JMJD6: variants seen among roughly 807,000 people sequenced by gnomAD.
JMJD6 encodes bifunctional arginine demethylase and lysyl-hydroxylase JMJD6.
Under a neutral mutation model 45.8 loss-of-function variants are expected in JMJD6, and 17 were observed. That is an observed-to-expected ratio of 0.37 (90% CI 0.25 to 0.56). The LOEUF (loss-of-function observed/expected upper bound fraction) is 0.56. Among genes scored for constraint, JMJD6 ranks in the 20% least tolerant of loss-of-function variants. JMJD6 has a pLI of 0.79. For missense variants in JMJD6, 470 were observed against 517.5 expected (o/e 0.91, Z 0.89); for synonymous variants, 221 against 196.3 (o/e 1.13, Z -1.05).
downstream of JMJD6, chr17:76,716,578 A>T (rs1190466644): frequency 9.6e-6 from 10 of 1,042,894 alleles, no homozygotes; most frequent in Non-Finnish European, 1.5e-5. Context: ...GAATATCCAA[A>T]TTCAAAGAAG....
chr17:76,724,638 GA>G (rs1316425827), intron 2 of JMJD6, among the ~76,000 whole-genome samples: 2 of 151,596 alleles, frequency 1.3e-5, no homozygotes, highest in Non-Finnish European at 2.9e-5. Context: ...CCAATACGGT[GA>G]AACCCCATCT....
chr17:76,722,688 TA>T (rs2076839735), intron 3 of JMJD6, among the ~76,000 whole-genome samples: 1 of 151,276 alleles, frequency 6.6e-6, no homozygotes, highest in South Asian at 2.1e-4. Flanking sequence ...TCTACTAAAA[TA>T]CAAAAAATTA....
chr17:76,723,812 C>T lies in JMJD6; in HGVS notation c.765G>A (p.Leu255=). ...LPTWPPEFKP[L]EILQKPGETV... is the part of the protein sequence containing the mutation. The stretch of plus-strand genomic sequence containing the variant: ...TCTCTCCTGGTTTTTGTAAGATTTC[C>T]AGGGGTTTGAATTCAGGTGGCCAGG... The change falls in exon 3 of 6, where the codon CTG becomes CTA. Residue 255 remains leucine, a synonymous_variant. Coordinates refer to ENST00000397625, the MANE Select transcript of JMJD6 (RefSeq NM_015167.3). 8 of 1,614,144 alleles carry T rather than the reference C, an allele frequency of 5.0e-6. No individual in the cohort carries two copies. The highest frequency in any genetic ancestry group is 6.8e-6 in the Non-Finnish European group (8 of 1,180,026).
rs2076937106 is a variant in JMJD6 at position 76,726,421 on chromosome 17, C to A, written c.55G>T (p.Glu19Ter). The change falls in exon 1 of 6, where the codon GAG (glutamate) becomes TAG (stop). Residue 19 changes from glutamate (E) to a stop codon, truncating the protein, a stop_gained. Transcript: ENST00000397625. LOFTEE classifies it high-confidence loss of function. ...IREAKRSARP[E>*]LKDSLDWTRH... ...GTCCAATCCAGCGAGTCCTTGAGCTCCGGCCGCGCACTCCGCTTGGCCTCG... is the reference window on the plus strand; with the variant it reads ...GTCCAATCCAGCGAGTCCTTGAGCTACGGCCGCGCACTCCGCTTGGCCTCG... The A allele has an allele frequency of 6.2e-7, 1 of 1,604,708 alleles. No individual in the cohort carries two copies. Among genetic ancestry groups the A allele is most frequent in the Admixed American group, 1.7e-5 (1 of 59,440 alleles).
chr17:76,720,511 A>G lies in JMJD6; in HGVS notation c.942-13T>C. 4 of 1,613,740 alleles carry G rather than the reference A, an allele frequency of 2.5e-6. No homozygotes were observed. The highest frequency in any genetic ancestry group is 3.4e-6 in the Non-Finnish European group (4 of 1,179,822). ...TTGCTTCAAAATCCTGAGAGGCAAG[A>G]AGTGTTGTTCTCAGTGCACTGACAG... On this transcript the variant is annotated splice_polypyrimidine_tract_variant and intron_variant, in intron 4 of 5. Coordinates refer to ENST00000397625, the MANE Select transcript of JMJD6 (RefSeq NM_015167.3).
At chr17:76,719,837 C>G (rs533468421) in intron 5 of JMJD6, among the ~76,000 whole-genome samples, 1 of 152,304 alleles carries the variant, frequency 6.6e-6, no homozygotes, top group African/African-American at 2.4e-5. Context: ...TTTAACAATT[C>G]TTAGCCGGGC....
intron 3 of JMJD6, among the ~76,000 whole-genome samples, chr17:76,722,236 GAA>G (rs796118429): frequency 2.8e-4 from 42 of 152,272 alleles, no homozygotes; most frequent in African/African-American, 9.6e-4. Context: ...GCCCTTTATA[GAA>G]AAAGTTTGTT....
At chr17:76,722,828 AGAG>A (rs2076842326) in intron 3 of JMJD6, among the ~76,000 whole-genome samples, 4 of 119,738 alleles carry the variant, frequency 3.3e-5, no homozygotes, top group African/African-American at 1.3e-4. Flanking sequence ...CCTGGGTGAC[AGAG>A]CGAGACTTGG....
downstream of JMJD6, chr17:76,716,832 T>C (rs1291744874): frequency 9.7e-6 from 10 of 1,026,334 alleles, no homozygotes; most frequent in Non-Finnish European, 1.4e-5. Flanking sequence ...GTGGAAGTCA[T>C]GGCAGGGCTT....
At chr17:76,720,664 C>A (rs529390762) in intron 4 of JMJD6, 166 bp from the exon 5 acceptor site, 2 of 613,668 alleles carry the variant, frequency 3.3e-6, no homozygotes, top group Admixed American at 2.8e-5. Flanking sequence ...AGGCTGGGAA[C>A]AAGAGAAACC....
intron 4 of JMJD6, 105 bp from the exon 5 acceptor site, chr17:76,720,603 C>CA: frequency 9.0e-7 from 1 of 1,110,914 alleles, no homozygotes; most frequent in Non-Finnish European, 1.3e-6. Context: ...CTGGGAATGC[C>CA]AGGTGTGTCC....
intron 5 of JMJD6, 145 bp from the exon 6 acceptor site, chr17:76,719,005 T>C: frequency 6.8e-6 from 5 of 738,794 alleles, no homozygotes; most frequent in Non-Finnish European, 1.1e-5. Flanking sequence ...CTCCACAATG[T>C]AGCCTTCATA....
In JMJD6 at chr17:76,726,548, C is replaced by T. The variant is rs1020257817; in HGVS notation, c.-73G>A. 3.2e-5 allele frequency: 48 copies of T among 1,502,328 alleles called. No individual in the cohort carries two copies. The highest frequency in any genetic ancestry group is 4.0e-5 in the Non-Finnish European group (45 of 1,131,708). The allele number at this position is 1,502,328 out of a possible 1,614,324, so 93.1% of individuals were successfully genotyped here. A position where few individuals can be genotyped will look rare whatever the true frequency, so the allele number is the denominator to read the frequency against. On this transcript the variant is annotated 5_prime_UTR_variant, in exon 1 of 6. Transcript: ENST00000397625. ...TTCCTGACACTAACGCACCCCTCCC[C>T]GGCCTGGGCGGCGGCGACGGCAGTA...
chr17:76,718,814 T>C lies in JMJD6; in HGVS notation c.1127A>G (p.Lys376Arg), dbSNP rs370575056. 19 of 1,614,132 alleles carry C rather than the reference T, an allele frequency of 1.2e-5. No homozygotes were observed. The African/African-American group carries it at 2.3e-4, about 19-fold the overall frequency. The change falls in exon 6 of 6, where the codon AAG becomes AGG. Residue 376 changes from lysine (K) to arginine (R), a missense_variant. Transcript: ENST00000397625. ...TCCCACCATGCTGCACGTCCTCCTC[T>C]TCTTCCTGCGGTGCACTGTCCCATC... ...EGDGTVHRRK[K>R]RRTCSMVGNG...
downstream of JMJD6, chr17:76,716,655 A>C (rs2076766296): frequency 1.2e-6 from 2 of 1,612,242 alleles, no homozygotes; most frequent in Non-Finnish European, 1.7e-6. Context: ...GCTTACGCTG[A>C]AAGCACCTCA....
downstream of JMJD6, chr17:76,715,129 CA>C (rs1189580500): frequency 6.6e-6 from 1 of 152,284 alleles, no homozygotes; most frequent in Middle Eastern, 3.4e-3. Flanking sequence ...GCAAGCGTGG[CA>C]GCACAGGAGC....
At chr17:76,725,330 C>T (rs920127419) in intron 2 of JMJD6, 137 bp downstream of exon 2, 7 of 776,566 alleles carry the variant, frequency 9.0e-6, no homozygotes, top group South Asian at 2.1e-5. Context: ...CGCTTGAACT[C>T]GGGAGATGGA....
At position 76,720,379 on chromosome 17, in the gene JMJD6, G is replaced by A. The variant is rs753793238; in HGVS notation, c.1061C>T (p.Ser354Leu). The A allele has an allele frequency of 6.2e-6, 10 of 1,614,122 alleles. No homozygotes were observed. The highest frequency in any genetic ancestry group is 2.2e-5 in the East Asian group (1 of 44,888). ...CCTCACCTCTGAGTCGGAGTCTGACGAACTGGAGCTGGAGGAGCTGGAAGA... is the reference window on the plus strand; with the variant it reads ...CCTCACCTCTGAGTCGGAGTCTGACAAACTGGAGCTGGAGGAGCTGGAAGA... ...SDSSSSSSSSSSDSDSECESG... is the reference protein window; with the variant it reads ...SDSSSSSSSSLSDSDSECESG... Residue 354 changes from serine (S) to leucine (L), a missense_variant, in exon 5 of 6, where the codon TCG (serine) becomes TTG (leucine). Ser to Leu is a moderately radical substitution (Grantham distance 145, BLOSUM62 -2). This residue lies in a region of JMJD6 where 45 missense variants were observed against 37.2 expected (regional missense o/e 1.21). Coordinates refer to ENST00000397625, the MANE Select transcript of JMJD6 (RefSeq NM_015167.3).
intron 2 of JMJD6, among the ~76,000 whole-genome samples, chr17:76,724,926 A>T (rs1020211066): frequency 2.0e-5 from 3 of 152,158 alleles, no homozygotes; most frequent in Admixed American, 2.0e-4. Context: ...CTGCACATTC[A>T]AGTCACCTGA....
Sources: allele counts gnomAD v4.1 joint callset (sites outside exome capture counted in the v4.1 genomes callset), GRCh38; gene constraint gnomAD v4.1.1; regional missense constraint gnomAD v4.1.1; transcripts MANE v1.5; gene names NCBI Gene and HGNC (gene_info 2026-07-23, HGNC 2026-07-21).